SPATA16: variants seen among roughly 807,000 people sequenced by gnomAD.
SPATA16 encodes the protein spermatogenesis associated 16, also known as spermatogenesis-associated protein 16.
SPATA16 carries 36 observed loss-of-function variants against 63.3 expected under a neutral mutation model. The observed-to-expected ratio is 0.57, with a 90% CI of 0.44 to 0.75. The LOEUF (loss-of-function observed/expected upper bound fraction) is 0.75, where lower values mean the gene tolerates loss of function less well. SPATA16 is among the 30% of genes least tolerant of loss of function. The pLI is 0.00. For synonymous variants in SPATA16, 203 were observed against 216.7 expected (o/e 0.94, Z 0.56); for missense variants, 646 against 679.3 (o/e 0.95, Z 0.54).
intron 3 of SPATA16, among the ~76,000 whole-genome samples, chr3:173,025,535 C>T (rs1193929874): frequency 1.3e-5 from 2 of 151,870 alleles, no homozygotes; most frequent in Non-Finnish European, 2.9e-5. Context: ...TCGACAAATA[C>T]ATAGCCATCA....
intron 4 of SPATA16, among the ~76,000 whole-genome samples, chr3:173,009,732 G>A (rs541422507): frequency 6.6e-6 from 1 of 152,362 alleles, no homozygotes; most frequent in East Asian, 1.9e-4. Flanking sequence ...ACTGGTCATA[G>A]GCAGTTGTCC....
At chr3:173,024,524 AATTAATG>A (rs1439822892) in intron 3 of SPATA16, among the ~76,000 whole-genome samples, 1 of 150,938 alleles carries the variant, frequency 6.6e-6, no homozygotes, top group African/African-American at 2.4e-5. Context: ...GAATTAGGTT[AATTAATG>A]ATTCAAGAAA....
chr3:172,986,597 T>G (rs1223961257), intron 4 of SPATA16, among the ~76,000 whole-genome samples: 1 of 152,102 alleles, frequency 6.6e-6, no homozygotes, highest in Admixed American at 6.6e-5. Flanking sequence ...GCACACAGCT[T>G]GAACACAGGT....
intron 2 of SPATA16, among the ~76,000 whole-genome samples, chr3:173,069,245 G>T (rs1736608936): frequency 2.0e-5 from 3 of 151,596 alleles, no homozygotes; most frequent in Admixed American, 1.3e-4. Context: ...CTTTTAGCAA[G>T]ACTAAGAAAA....
chr3:172,986,344 G>T (rs1259405882), intron 4 of SPATA16, among the ~76,000 whole-genome samples: 2 of 152,132 alleles, frequency 1.3e-5, no homozygotes, highest in Non-Finnish European at 2.9e-5. Context: ...CATATTTCAT[G>T]AGTTTCTCTG....
At chr3:173,105,745 CT>C (rs1737604600) in intron 2 of SPATA16, among the ~76,000 whole-genome samples, 1 of 151,782 alleles carries the variant, frequency 6.6e-6, no homozygotes, top group African/African-American at 2.4e-5. Flanking sequence ...GCAAATTTTC[CT>C]TCCTCCCTCC....
rs1736842919 is a variant in SPATA16 at position 173,077,861 on chromosome 3, T to G, written c.613-28767A>C. Among the ~76,000 whole-genome samples, 3 of 152,176 alleles carry G rather than the reference T, an allele frequency of 2.0e-5. No individual in the cohort carries two copies. In the South Asian group the frequency reaches 6.2e-4, roughly 32 times the overall value. On this transcript the variant is annotated intron_variant, in intron 2 of 10. Transcript: ENST00000351008. Reference sequence around the variant, plus strand: ...GGAGACGTCACTTCCAATCTCCTGTTTGCCTATTTGCTACTGAGAGGCAGC... The same window carrying G: ...GGAGACGTCACTTCCAATCTCCTGTGTGCCTATTTGCTACTGAGAGGCAGC...
At position 172,963,475 on chromosome 3, in the gene SPATA16, T is replaced by G. The variant is rs1577109128; in HGVS notation, c.934-6651A>C. 2.6e-5 allele frequency among the ~76,000 whole-genome samples: 4 copies of G among 151,966 alleles called. No homozygotes were observed. The South Asian group carries it at 8.3e-4, about 31-fold the overall frequency. ...AATATAATATTAAATTTAAAGTATT[T>G]AATTTAGTTTTGTAGTGTGTTACTG... is the stretch of plus-strand genomic sequence containing the variant. On this transcript the variant is annotated intron_variant, in intron 5 of 10. Coordinates refer to ENST00000351008, the MANE Select transcript of SPATA16 (RefSeq NM_031955.6).
chr3:173,088,376 C>G (rs1352710255), intron 2 of SPATA16, among the ~76,000 whole-genome samples: 1 of 152,000 alleles, frequency 6.6e-6, no homozygotes, highest in East Asian at 1.9e-4. Context: ...AGCCACTGCA[C>G]TTGGTCGCCA....
intron 2 of SPATA16, among the ~76,000 whole-genome samples, chr3:173,105,855 G>A (rs1737611110): frequency 7.6e-6 from 1 of 132,364 alleles, no homozygotes; most frequent in Non-Finnish European, 1.6e-5. Context: ...CTTTTCCTCT[G>A]TGTTTATATT....
chr3:172,924,295 C>A lies in SPATA16; in HGVS notation c.1251G>T (p.Leu417=). The A allele has an allele frequency of 6.2e-7, 1 of 1,613,166 alleles. No homozygotes were observed. The highest frequency in any genetic ancestry group is 1.1e-5 in the South Asian group (1 of 91,024). ...IFTEHKTPFG[L]TREDTVRQME... is the part of the protein sequence containing the mutation. ...TTTGCCTCACTGTATCTTCTCTGGT[C>A]AGACCGAAAGGTGTTTTATGCTCTA... Residue 417 remains leucine, a synonymous_variant, in exon 8 of 11, where the codon CTG becomes CTT. Coordinates refer to ENST00000351008, the MANE Select transcript of SPATA16 (RefSeq NM_031955.6).
At chr3:173,091,429 C>T (rs1046970446) in intron 2 of SPATA16, among the ~76,000 whole-genome samples, 2 of 151,896 alleles carry the variant, frequency 1.3e-5, no homozygotes, top group African/African-American at 4.8e-5. Flanking sequence ...CCACTTCTTA[C>T]TGACATTTCA....
chr3:172,965,834 C>T (rs1827151), intron 5 of SPATA16, among the ~76,000 whole-genome samples: 46,018 of 152,066 alleles, frequency 0.3, 7,674 homozygotes, highest in Middle Eastern at 0.39. Flanking sequence ...CCTAGGCCTC[C>T]CAAAGTGTTG....
intron 2 of SPATA16, among the ~76,000 whole-genome samples, chr3:173,090,093 C>T (rs537346837): frequency 6.6e-6 from 1 of 152,146 alleles, no homozygotes; most frequent in Non-Finnish European, 1.5e-5. Flanking sequence ...ATCCAACTGT[C>T]ATACTGAAAT....
chr3:173,008,231 G>A (rs1472341842), intron 4 of SPATA16, among the ~76,000 whole-genome samples: 4 of 152,060 alleles, frequency 2.6e-5, no homozygotes, highest in Admixed American at 6.6e-5. Context: ...TGAGTTTGCC[G>A]AATGACCAGT....
At chr3:173,113,510 T>C (rs961593125) in intron 2 of SPATA16, among the ~76,000 whole-genome samples, 4 of 152,246 alleles carry the variant, frequency 2.6e-5, no homozygotes, top group African/African-American at 9.6e-5. Flanking sequence ...CCTGCTATGT[T>C]ACAAAATCCT....
At chr3:173,104,985 T>C (rs1349946870) in intron 2 of SPATA16, among the ~76,000 whole-genome samples, 1 of 152,210 alleles carries the variant, frequency 6.6e-6, no homozygotes, top group Non-Finnish European at 1.5e-5. Context: ...CCAAACTTAA[T>C]TTTGCTTCTG....
chr3:172,908,371 A>ATC (rs1354067280), intron 10 of SPATA16, among the ~76,000 whole-genome samples: 1 of 152,244 alleles, frequency 6.6e-6, no homozygotes, highest in Non-Finnish European at 1.5e-5. Context: ...ACCTACAGAC[A>ATC]TCTATCTTTC....
At chr3:173,072,644 G>C (rs67365606) in intron 2 of SPATA16, among the ~76,000 whole-genome samples, 20,429 of 152,158 alleles carry the variant, frequency 0.13, 1,749 homozygotes, top group South Asian at 0.24. Flanking sequence ...ATGATTGTGA[G>C]GCCTCCCCAG....
Sources: allele counts gnomAD v4.1 joint callset (sites outside exome capture counted in the v4.1 genomes callset), GRCh38; gene constraint gnomAD v4.1.1; transcripts MANE v1.5; gene names NCBI Gene and HGNC (gene_info 2026-07-23, HGNC 2026-07-21).